Variants in BET1 observed in about 807,000 individuals in gnomAD.
BET1 encodes the protein BET1 homolog.
BET1 carries 9 observed loss-of-function variants against 13.9 expected under a neutral mutation model. The ratio of observed to expected loss-of-function variants is 0.65; its 90% confidence interval spans 0.39 to 1.13. The LOEUF (loss-of-function observed/expected upper bound fraction) is 1.13, where lower values mean the gene tolerates loss of function less well. Among genes scored for constraint, BET1 ranks in the 50% most tolerant of loss-of-function variants. The pLI is 0.01. For missense variants in BET1, 127 were observed against 133.6 expected (o/e 0.95, Z 0.24); for synonymous variants, 39 against 47.3 (o/e 0.82, Z 0.72).
chr7:93,976,146 A>G (rs1562800911), intron 4 of BET1: 7 of 1,120,464 alleles, frequency 6.2e-6, no homozygotes, highest in Non-Finnish European at 7.9e-6. Context: ...ATTTGAAAAA[A>G]CAAAACAAAA....
chr7:93,990,814 T>C (rs924133560), downstream of BET1, among the ~76,000 whole-genome samples: 1 of 152,060 alleles, frequency 6.6e-6, no homozygotes, highest in Admixed American at 6.6e-5. Flanking sequence ...AATTTTGGAG[T>C]CTCACATCTA....
In BET1 at chr7:93,994,210, C is replaced by T. The variant is rs376812570; in HGVS notation, c.*20G>A. 9.5e-6 allele frequency: 15 copies of T among 1,580,186 alleles called. No homozygotes were observed. In the African/African-American group the frequency reaches 2.0e-4, roughly 22 times the overall value. Reference sequence around the variant, plus strand: ...CAAGCCATTAAGTTGGAACAAATTCCAAATTCACAATTACATGCATCACCT... The same window carrying T: ...CAAGCCATTAAGTTGGAACAAATTCTAAATTCACAATTACATGCATCACCT... On this transcript the variant is annotated 3_prime_UTR_variant, in exon 4 of 4. Coordinates refer to ENST00000222547, the MANE Select transcript of BET1 (RefSeq NM_005868.6).
chr7:93,992,430 C>T, downstream of BET1: 1 of 985,278 alleles, frequency 1.0e-6, no homozygotes. Context: ...GTTGATTCTC[C>T]TGTTTTCATT....
exon 5 of BET1, chr7:93,975,980 A>G (rs1256533960): frequency 2.4e-6 from 3 of 1,276,478 alleles, no homozygotes; most frequent in Non-Finnish European, 3.1e-6. Context: ...GCTGTGATAG[A>G]TGGCACTGAA....
Position 94,004,316 on chromosome 7 carries a change from G to GA in BET1, c.-101dup, listed in dbSNP as rs1795982593. 1.3e-6 allele frequency: 2 copies of GA among 1,508,932 alleles called. No homozygotes were observed. The highest frequency in any genetic ancestry group is 9.2e-7 in the Non-Finnish European group (1 of 1,086,102). The allele number at this position is 1,508,932 out of a possible 1,614,324, so 93.5% of individuals were successfully genotyped here. ...CGCGTCTTCAGTACCAGGGCCCAGC[G>GA]AAACACCAACTTCTTCCCCTAAAGC... On this transcript the variant is annotated 5_prime_UTR_variant, in exon 1 of 4. It removes the in-frame stop codon of an upstream open reading frame in the 5' UTR. Transcript: ENST00000222547.
rs370628597 is a variant in BET1 at position 94,004,232 on chromosome 7, A to G, written c.-16T>C. On this transcript the variant is annotated 5_prime_UTR_variant, in exon 1 of 4. Coordinates refer to ENST00000222547, the MANE Select transcript of BET1 (RefSeq NM_005868.6). ...CACGCCTCATCCTGCCAGAGGAGAGAGAGAAAAGGCGGGTGCGGGGCTTTG... is the reference window on the plus strand; with the variant it reads ...CACGCCTCATCCTGCCAGAGGAGAGGGAGAAAAGGCGGGTGCGGGGCTTTG... 231 of 1,613,886 alleles carry G rather than the reference A, an allele frequency of 1.4e-4. No individual in the cohort carries two copies. In the African/African-American group the frequency reaches 2.8e-3, roughly 20 times the overall value.
chr7:93,962,783 T>G (rs759355276), exon 7 of BET1: 17 of 151,612 alleles, frequency 1.1e-4, no homozygotes, highest in Non-Finnish European at 2.4e-4. Flanking sequence ...AATGGTCAGA[T>G]AAACCTTTAT....
intron 1 of BET1, among the ~76,000 whole-genome samples, chr7:94,002,810 T>A (rs1300517844): frequency 2.0e-5 from 3 of 152,192 alleles, no homozygotes; most frequent in Non-Finnish European, 4.4e-5. Context: ...GAGTTCCTCC[T>A]ATCTGGAACT....
At chr7:93,984,767 A>T (rs1795494066) in intron 4 of BET1, among the ~76,000 whole-genome samples, 2 of 152,204 alleles carry the variant, frequency 1.3e-5, no homozygotes, top group African/African-American at 4.8e-5. Flanking sequence ...AAAGTCTTCA[A>T]AGAAAATTCA....
chr7:93,964,357 C>T (rs981187995), exon 7 of BET1: 1 of 152,066 alleles, frequency 6.6e-6, no homozygotes, highest in Non-Finnish European at 1.5e-5. Flanking sequence ...TAAGTAAGAA[C>T]ATACAGTATT....
intron 5 of BET1, among the ~76,000 whole-genome samples, chr7:93,973,756 A>G (rs564416698): frequency 6.6e-6 from 1 of 152,138 alleles, no homozygotes; most frequent in Non-Finnish European, 1.5e-5. Context: ...CACTGCATAC[A>G]AATACTGAAT....
chr7:93,986,616 T>TA lies in BET1; in HGVS notation c.235+7735dup, dbSNP rs201867106. Among the ~76,000 whole-genome samples, 1,361 of 152,290 alleles carry TA rather than the reference T, an allele frequency of 8.9e-3. 22 individuals carry two copies. The highest frequency in any genetic ancestry group is 0.03 in the African/African-American group (1,247 of 41,562). ...AATTCCCTGGTAAGATGTCACCACTTACATTGTGGGCTAAGTGGATTACAC... is the reference window on the plus strand; with the variant it reads ...AATTCCCTGGTAAGATGTCACCACTTAACATTGTGGGCTAAGTGGATTACAC... On this transcript the variant is annotated intron_variant and NMD_transcript_variant, in intron 4 of 6. Transcript: ENST00000357520.
rs984962980 is a variant in BET1, at chr7:94,002,472, A to G, written c.19+1726T>C. On this transcript the variant is annotated intron_variant, in intron 1 of 3. Coordinates refer to ENST00000222547, the MANE Select transcript of BET1 (RefSeq NM_005868.6). ...GAGCTTTTTTTTAAAAAAAAAAAAAAAAGAAAGAAAAAAAAAGGAAAAAAG... is the reference window on the plus strand; with the variant it reads ...GAGCTTTTTTTTAAAAAAAAAAAAAGAAGAAAGAAAAAAAAAGGAAAAAAG... Among the ~76,000 whole-genome samples, 119 of 143,142 alleles carry G rather than the reference A, an allele frequency of 8.3e-4. 1 individual carries two copies. Among genetic ancestry groups the G allele is most frequent in the African/African-American group, 3.2e-3 (108 of 33,740 alleles). 93.9% of individuals were successfully genotyped at this position (143,142 alleles called of 152,430 possible).
At chr7:93,977,317 C>T (rs1795356262) in intron 4 of BET1, among the ~76,000 whole-genome samples, 5 of 152,022 alleles carry the variant, frequency 3.3e-5, no homozygotes, top group Admixed American at 1.3e-4. Flanking sequence ...GCAGAATTAG[C>T]AGGGCATGGG....
chr7:94,002,975 T>C (rs1263484823), intron 1 of BET1, among the ~76,000 whole-genome samples: 1 of 152,222 alleles, frequency 6.6e-6, no homozygotes, highest in African/African-American at 2.4e-5. Context: ...TTTGGATGTA[T>C]AGCGACACTT....
chr7:93,986,420 A>T (rs1351939004), intron 4 of BET1, among the ~76,000 whole-genome samples: 1 of 152,172 alleles, frequency 6.6e-6, no homozygotes, highest in Non-Finnish European at 1.5e-5. Flanking sequence ...CTTTTCTCTG[A>T]TTCCCTTATA....
At chr7:93,984,079 C>CT (rs1264952649) in intron 4 of BET1, among the ~76,000 whole-genome samples, 1 of 152,174 alleles carries the variant, frequency 6.6e-6, no homozygotes, top group African/African-American at 2.4e-5. Flanking sequence ...AGGCCATGCT[C>CT]TTTCTGAGAG....
At chr7:93,991,905 T>C, downstream of BET1, 1 of 978,706 alleles carries the variant, frequency 1.0e-6, no homozygotes, top group Non-Finnish European at 1.2e-6. Flanking sequence ...ATTCAATATA[T>C]CTAACTTGAA....
chr7:93,986,478 A>C (rs756657218), intron 4 of BET1, among the ~76,000 whole-genome samples: 6 of 152,220 alleles, frequency 3.9e-5, no homozygotes, highest in Non-Finnish European at 8.8e-5. Context: ...CATCAATGGC[A>C]GCAAAATGTG....
Sources: gnomAD v4.1 joint callset for allele counts (sites outside exome capture counted in the v4.1 genomes callset) on GRCh38, gnomAD v4.1.1 for gene constraint, MANE v1.5 for transcripts, NCBI Gene and HGNC (gene_info 2026-07-23, HGNC 2026-07-21) for gene names.